DCST1: variants seen among roughly 807,000 people sequenced by gnomAD.
The protein encoded by DCST1 is DC-STAMP domain containing 1.
In DCST1, 78 loss-of-function variants were observed where a neutral mutation model predicts 89.1. The ratio of observed to expected loss-of-function variants is 0.88; its 90% CI spans 0.73 to 1.06. The LOEUF (loss-of-function observed/expected upper bound fraction) is 1.06. Ranked by LOEUF, DCST1 falls within the 50% of genes least tolerant of loss-of-function variation. The pLI, the probability that DCST1 is intolerant of heterozygous loss-of-function variation, is 0.00. For synonymous variants in DCST1, 364 were observed against 371.9 expected, an observed-to-expected ratio of 0.98 and a Z score of 0.24; for missense variants, 900 against 928.6, an observed-to-expected ratio of 0.97 and a Z score of 0.40.
intron 2 of DCST1, 79 bp from the exon 3 acceptor site, chr1:155,034,356 C>G: frequency 6.2e-7 from 1 of 1,610,096 alleles, no homozygotes; most frequent in Non-Finnish European, 8.5e-7. Flanking sequence ...AGCCTCTATC[C>G]ACCTGCAAGC....
chr1:155,046,966 CA>C (rs946168825), intron 13 of DCST1, among the ~76,000 whole-genome samples: 20 of 152,188 alleles, frequency 1.3e-4, no homozygotes, highest in Admixed American at 9.8e-4. Flanking sequence ...TCCTCAAGGT[CA>C]AATGACAGCC....
At chr1:155,050,461 G>A (rs1660877391) in intron 16 of DCST1, 156 bp from the exon 17 acceptor site, 1 of 989,810 alleles carries the variant, frequency 1.0e-6, no homozygotes, top group Non-Finnish European at 1.4e-6. Flanking sequence ...TGGGGAGGGA[G>A]GCACCCTCGC....
chr1:155,050,796 C>T lies in DCST1; in HGVS notation c.2049C>T (p.Val683=), dbSNP rs1186621895. 6.2e-7 allele frequency: 1 copy of T among 1,611,896 alleles called. No individual in the cohort carries two copies. The highest frequency in any genetic ancestry group is 8.5e-7 in the Non-Finnish European group (1 of 1,179,216). ...ACGACATGCGGCAGCGGTGCCCGGT[C>T]TGCACGCCCCGCGAAGAGCTCTCTT... The part of the protein sequence containing the change: ...CWDDMRQRCP[V]CTPREELSSS... The change falls in exon 17 of 17, where the codon GTC becomes GTT. Residue 683 remains valine, a synonymous_variant. Transcript: ENST00000295542.
At chr1:155,048,933 G>A (rs1660753477) in intron 16 of DCST1, 1 of 693,646 alleles carries the variant, frequency 1.4e-6, no homozygotes, top group South Asian at 1.6e-5. Context: ...AAGGCACATG[G>A]AATCTGAGGA....
intron 10 of DCST1, 141 bp downstream of exon 10, chr1:155,043,650 CA>C (rs1660510166): frequency 8.5e-7 from 1 of 1,178,670 alleles, no homozygotes; most frequent in Non-Finnish European, 1.1e-6. Flanking sequence ...TTTGTTTACA[CA>C]AAGTTAAAGG....
intron 4 of DCST1, among the ~76,000 whole-genome samples, chr1:155,038,015 C>G (rs927940899): frequency 6.6e-6 from 1 of 152,156 alleles, no homozygotes; most frequent in African/African-American, 2.4e-5. Flanking sequence ...ATTGCCCTTG[C>G]AAAAAACCCA....
intron 4 of DCST1, among the ~76,000 whole-genome samples, chr1:155,036,819 G>A (rs1489169108): frequency 1.3e-5 from 2 of 152,232 alleles, no homozygotes; most frequent in African/African-American, 2.4e-5. Context: ...GGCTGACCTC[G>A]AGTGAAGCCC....
intron 10 of DCST1, among the ~76,000 whole-genome samples, chr1:155,044,616 A>AG (rs1358036828): frequency 6.6e-6 from 1 of 152,150 alleles, no homozygotes; most frequent in African/African-American, 2.4e-5. Context: ...GCCCCTTGGA[A>AG]GGGCAATAAC....
intron 10 of DCST1, 71 bp downstream of exon 10, chr1:155,043,580 TA>T: frequency 6.7e-7 from 1 of 1,485,256 alleles, no homozygotes. Flanking sequence ...AGGGAGGCTG[TA>T]AGGATGGAAC....
At chr1:155,040,702 C>T (rs1183155816) in intron 6 of DCST1, 78 bp downstream of exon 6, 1 of 1,477,520 alleles carries the variant, frequency 6.8e-7, no homozygotes, top group Non-Finnish European at 9.0e-7. Context: ...AGTTGTCACC[C>T]TGGATTTACA....
rs1236138173 is a variant in DCST1, at chr1:155,034,470, T to C, written c.97T>C (p.Ser33Pro). The C allele has an allele frequency of 1.2e-6, 2 of 1,614,036 alleles. No individual in the cohort carries two copies. The highest frequency in any genetic ancestry group is 4.5e-5 in the East Asian group (2 of 44,874). ...GCTCCTGACCTGGGGGCTGCCAGTC[T>C]CCTGTAGCTGGTTCCTGTGGCGCCA... is the stretch of plus-strand genomic sequence containing the variant. The part of the protein sequence containing the change: ...QRLLTWGLPV[S>P]CSWFLWRQPG... Residue 33 changes from serine (S) to proline (P), a missense_variant, in exon 3 of 17, where the codon TCC (serine) becomes CCC (proline). By Grantham distance (74) the Ser-to-Pro change is moderately conservative. Coordinates refer to ENST00000295542, the MANE Select transcript of DCST1 (RefSeq NM_152494.4).
At chr1:155,050,243 C>T (rs1054016535) in intron 16 of DCST1, among the ~76,000 whole-genome samples, 2 of 152,240 alleles carry the variant, frequency 1.3e-5, no homozygotes, top group African/African-American at 4.8e-5. Flanking sequence ...GGATTGTTTA[C>T]TATCTGTGTG....
chr1:155,044,932 G>A (rs1433165259), intron 10 of DCST1, among the ~76,000 whole-genome samples: 2 of 152,198 alleles, frequency 1.3e-5, no homozygotes, highest in African/African-American at 4.8e-5. Flanking sequence ...AAGGTGCAGC[G>A]AGGCTCAGAG....
In DCST1 at chr1:155,039,420, T is replaced by A. The variant is rs1299421783; in HGVS notation, c.280T>A (p.Trp94Arg). ...CCTGACAGGCTTGGGGGCCATGGGC[T>A]GGGGGACCTCCCCTCACATCCGCTG... Reference protein sequence around the residue: ...YSLVGLGAMGWGTSPHIRCAS... With the variant: ...YSLVGLGAMGRGTSPHIRCAS... Residue 94 changes from tryptophan to arginine, a missense_variant, in exon 5 of 17, where the codon TGG becomes AGG. Physicochemically the swap from Trp to Arg is moderately radical, Grantham distance 101. Coordinates refer to ENST00000295542, the MANE Select transcript of DCST1 (RefSeq NM_152494.4). The A allele has an allele frequency of 6.3e-7, 1 of 1,593,904 alleles. No homozygotes were observed. Among genetic ancestry groups the A allele is most frequent in the Admixed American group, 1.7e-5 (1 of 58,048 alleles).
chr1:155,036,267 C>A (rs1660276521), intron 4 of DCST1, among the ~76,000 whole-genome samples: 1 of 152,200 alleles, frequency 6.6e-6, no homozygotes, highest in Admixed American at 6.5e-5. Context: ...TGGATACCAA[C>A]AGGAGACTAC....
chr1:155,043,079 G>T (rs367760528), intron 9 of DCST1, among the ~76,000 whole-genome samples: 39 of 152,254 alleles, frequency 2.6e-4, no homozygotes, highest in Non-Finnish European at 2.9e-5. Flanking sequence ...GAAAGGTGGT[G>T]AGGAGGGGAC....
intron 8 of DCST1, 45 bp from the exon 9 acceptor site, chr1:155,042,666 CAGGCAGGCCAGGCCTGCACCTGGA>C: frequency 6.2e-7 from 1 of 1,602,946 alleles, no homozygotes; most frequent in Admixed American, 1.7e-5. Context: ...TACAGGAGGA[CAGGCAGGCCAGGCCTGCACCTGGA>C]GGACAGGCCC....
intron 10 of DCST1, among the ~76,000 whole-genome samples, chr1:155,044,480 CAAAAA>C (rs57888793): frequency 3.2e-5 from 2 of 63,176 alleles, no homozygotes; most frequent in African/African-American, 6.6e-5. Flanking sequence ...GAGCTTGTCT[CAAAAA>C]AAAAAAAAAA....
intron 16 of DCST1, 145 bp from the exon 17 acceptor site, chr1:155,050,472 C>T: frequency 1.8e-6 from 2 of 1,142,482 alleles, no homozygotes; most frequent in Non-Finnish European, 2.4e-6. Context: ...GCACCCTCGC[C>T]CTCCAGGGGT....
Sources: gnomAD v4.1 joint callset for allele counts (sites outside exome capture counted in the v4.1 genomes callset) on GRCh38, gnomAD v4.1.1 for gene constraint, MANE v1.5 for transcripts, NCBI Gene and HGNC (gene_info 2026-07-23, HGNC 2026-07-21) for gene names.